Variants in PTDSS1 observed in about 807,000 individuals in gnomAD.
PTDSS1 encodes the protein phosphatidylserine synthase 1.
PTDSS1 carries 45 observed loss-of-function variants against 70.5 expected under a neutral mutation model. The ratio of observed to expected loss-of-function variants is 0.64; its 90% CI spans 0.50 to 0.82. The LOEUF is 0.82. PTDSS1 is among the 40% of genes least tolerant of loss of function. The probability of loss-of-function intolerance (pLI) is 0.00; values close to 1 mark genes in which losing one functional copy is unlikely to be tolerated. For synonymous variants in PTDSS1, 188 were observed against 203.8 expected, an observed-to-expected ratio of 0.92 and a Z score of 0.66; for missense variants, 417 against 586.1, an observed-to-expected ratio of 0.71 and a Z score of 2.98.
intron 5 of PTDSS1, among the ~76,000 whole-genome samples, chr8:96,295,461 A>C (rs1330070603): frequency 6.6e-6 from 1 of 152,252 alleles, no homozygotes; most frequent in Non-Finnish European, 1.5e-5. Context: ...TAACTTAATA[A>C]AGTGCACCTC....
At chr8:96,276,970 G>GCACA (rs1295032798) in intron 2 of PTDSS1, among the ~76,000 whole-genome samples, 2,487 of 115,230 alleles carry the variant, frequency 0.022, 80 homozygotes, top group African/African-American at 0.076. Flanking sequence ...ATACACGCGC[G>GCACA]CACGCGCGCG....
chr8:96,265,014 GTAA>G, intron 1 of PTDSS1, among the ~76,000 whole-genome samples: 1 of 152,054 alleles, frequency 6.6e-6, no homozygotes, highest in East Asian at 1.9e-4. Flanking sequence ...CTCATTTTTT[GTAA>G]TGATTTGTGA....
At position 96,334,477 on chromosome 8, in the gene PTDSS1, C is replaced by A. The variant is rs1240701092; in HGVS notation, c.*911C>A. The stretch of plus-strand genomic sequence containing the variant: ...CTTTCATCTGTGCCATGCTCTAGAA[C>A]CTTGACCTTGATAGTTCACCACCTC... On this transcript the variant is annotated 3_prime_UTR_variant, in exon 13 of 13. Transcript: ENST00000517309. 1 of 152,576 alleles carries A rather than the reference C, an allele frequency of 6.6e-6. No individual in the cohort carries two copies. Among genetic ancestry groups the A allele is most frequent in the Non-Finnish European group, 1.5e-5 (1 of 68,038 alleles). The allele number at this position is 152,576 out of a possible 1,614,324, so 9.5% of individuals were successfully genotyped here.
chr8:96,320,826 G>A (rs534486013), intron 10 of PTDSS1, among the ~76,000 whole-genome samples: 5 of 152,314 alleles, frequency 3.3e-5, no homozygotes, highest in South Asian at 4.1e-4. Flanking sequence ...CCAGGTCCAC[G>A]TTATAACCCA....
rs549614895 is a variant in PTDSS1 at position 96,262,459 on chromosome 8, G to C, written c.179+240G>C. 5.4e-4 allele frequency among the ~76,000 whole-genome samples: 82 copies of C among 152,246 alleles called. 1 individual carries two copies. Among genetic ancestry groups the C allele is most frequent in the Admixed American group, 4.6e-3 (70 of 15,298 alleles). On this transcript the variant is annotated intron_variant, in intron 1 of 12. Transcript: ENST00000517309. This position sits in a 1 kb window ranked among gnomAD's most constrained non-coding sequence, Gnocchi z 4.4. The stretch of plus-strand genomic sequence containing the variant: ...CTCCATACAGCGCCTCCGGTTACAC[G>C]GGGAACGCACGCGAGTCACCTAGCA...
rs114366271 is a variant in PTDSS1, at chr8:96,303,330, C to T, written c.753-710C>T. On this transcript the variant is annotated intron_variant, in intron 6 of 12. Coordinates refer to ENST00000517309, the MANE Select transcript of PTDSS1 (RefSeq NM_014754.3). ...TGAAGGAACAGCCCTGGTTTCCTAT[C>T]ACTCTCCCTGCTCCCACCCACTAGA... Among the ~76,000 whole-genome samples, 1,485 of 152,284 alleles carry T rather than the reference C, an allele frequency of 9.8e-3. 23 individuals carry two copies. Among genetic ancestry groups the T allele is most frequent in the African/African-American group, 0.033 (1,373 of 41,558 alleles).
chr8:96,276,792 G>A (rs1316318425), intron 2 of PTDSS1, among the ~76,000 whole-genome samples: 2 of 152,098 alleles, frequency 1.3e-5, no homozygotes, highest in East Asian at 1.9e-4. Flanking sequence ...TGGACCTAGC[G>A]TGCTTTGCAT....
intron 8 of PTDSS1, 80 bp from the exon 9 acceptor site, chr8:96,309,477 C>A: frequency 7.3e-7 from 1 of 1,368,976 alleles, no homozygotes; most frequent in Non-Finnish European, 1.0e-6. Flanking sequence ...ACGTTTTTTA[C>A]TTTGTCAAAG....
chr8:96,329,915 C>A (rs1274927586), intron 10 of PTDSS1, among the ~76,000 whole-genome samples: 1 of 152,168 alleles, frequency 6.6e-6, no homozygotes, highest in Non-Finnish European at 1.5e-5. Context: ...TTCAACAGAA[C>A]CCGCAAAGCT....
chr8:96,310,797 T>C (rs1586202749), intron 9 of PTDSS1, among the ~76,000 whole-genome samples: 1 of 151,168 alleles, frequency 6.6e-6, no homozygotes, highest in Non-Finnish European at 1.5e-5. Context: ...TGAGACGGAG[T>C]GTTCTGTCGC....
rs1269212777 is a variant in PTDSS1, at chr8:96,320,233, T to C, written c.1074-13T>C. 1 of 1,572,920 alleles carries C rather than the reference T, an allele frequency of 6.4e-7. No individual in the cohort carries two copies. Among genetic ancestry groups the C allele is most frequent in the Non-Finnish European group, 8.8e-7 (1 of 1,142,568 alleles). ...ATGGATTAATACTTAACCTCTGTTCTCTGTCTAATTAGGGTCATTGGTTTC... is the reference window on the plus strand; with the variant it reads ...ATGGATTAATACTTAACCTCTGTTCCCTGTCTAATTAGGGTCATTGGTTTC... On this transcript the variant is annotated splice_polypyrimidine_tract_variant and intron_variant, in intron 9 of 12. Coordinates refer to ENST00000517309, the MANE Select transcript of PTDSS1 (RefSeq NM_014754.3).
intron 2 of PTDSS1, among the ~76,000 whole-genome samples, chr8:96,277,598 C>A (rs908409387): frequency 2.0e-5 from 3 of 152,252 alleles, no homozygotes; most frequent in African/African-American, 4.8e-5. Flanking sequence ...GAAGTGCCTG[C>A]AGTGGATAGC....
chr8:96,281,936 C>T (rs947913811), intron 2 of PTDSS1, among the ~76,000 whole-genome samples: 2 of 152,156 alleles, frequency 1.3e-5, no homozygotes, highest in Non-Finnish European at 2.9e-5. Context: ...GGGGGTGTCT[C>T]ATTCCACAGC....
intron 1 of PTDSS1, among the ~76,000 whole-genome samples, chr8:96,267,121 A>T (rs1366561885): frequency 1.3e-5 from 2 of 152,246 alleles, no homozygotes; most frequent in Non-Finnish European, 2.9e-5. Flanking sequence ...CAGATGTAAC[A>T]CAATTTATCT....
chr8:96,285,251 C>T (rs778174586), intron 3 of PTDSS1, among the ~76,000 whole-genome samples: 27 of 152,300 alleles, frequency 1.8e-4, no homozygotes, highest in Middle Eastern at 3.4e-3. Flanking sequence ...GGGAGGGGAG[C>T]ATCCCAGGCA....
At chr8:96,293,967 C>T (rs544340476) in intron 4 of PTDSS1, among the ~76,000 whole-genome samples, 9 of 152,258 alleles carry the variant, frequency 5.9e-5, no homozygotes, top group East Asian at 3.9e-4. Context: ...TTCCAGAGTC[C>T]GGGAAGAAAC....
chr8:96,271,159 T>G (rs1489346370), intron 1 of PTDSS1, among the ~76,000 whole-genome samples: 2 of 152,180 alleles, frequency 1.3e-5, no homozygotes, highest in South Asian at 2.1e-4. Context: ...CCCTCATTTT[T>G]CCTCTTTGGA....
At chr8:96,273,931 C>T (rs1563561522) in intron 2 of PTDSS1, among the ~76,000 whole-genome samples, 1 of 152,122 alleles carries the variant, frequency 6.6e-6, no homozygotes, top group South Asian at 2.1e-4. Context: ...GAATTTTACC[C>T]CCATCATGAT....
At chr8:96,319,008 G>T (rs1272076505) in intron 9 of PTDSS1, among the ~76,000 whole-genome samples, 2 of 142,844 alleles carry the variant, frequency 1.4e-5, no homozygotes, top group African/African-American at 5.1e-5. Flanking sequence ...CCACTTCTCA[G>T]GCTCAAGTGA....
Sources: allele counts gnomAD v4.1 joint callset (sites outside exome capture counted in the v4.1 genomes callset), GRCh38; gene constraint gnomAD v4.1.1; non-coding constraint Gnocchi (gnomAD v3.1); transcripts MANE v1.5; gene names NCBI Gene and HGNC (gene_info 2026-07-23, HGNC 2026-07-21).